The following SLC5A5 variants were observed in gnomAD, a reference collection of about 807,000 sequenced individuals.
The protein encoded by SLC5A5 is sodium/iodide cotransporter.
A neutral mutation model predicts 68.6 loss-of-function variants in SLC5A5; 56 were observed. The observed-to-expected ratio is 0.82, with a 90% CI of 0.66 to 1.02. The LOEUF is 1.02. Among genes scored for constraint, SLC5A5 ranks in the 50% least tolerant of loss-of-function variants. SLC5A5 has a pLI of 0.00. For missense variants in SLC5A5, 807 were observed against 859.8 expected (o/e 0.94, Z 0.77); for synonymous variants, 398 against 373.0 (o/e 1.07, Z -0.77).
chr19:17,875,585 A>G (rs559709809), intron 4 of SLC5A5, among the ~76,000 whole-genome samples: 1 of 20,330 alleles, frequency 4.9e-5, no homozygotes, highest in Non-Finnish European at 1.5e-4. Context: ...CAACATAGTG[A>G]GACCCCCCCC....
At position 17,883,897 on chromosome 19, in the gene SLC5A5, G is replaced by A. The variant is rs2094327257; in HGVS notation, c.1377G>A (p.Val459=). Residue 459 remains valine (V), a synonymous_variant, in exon 12 of 15, where the codon GTG becomes GTA. Coordinates refer to ENST00000222248, the MANE Select transcript of SLC5A5 (RefSeq NM_000453.3). Reference sequence around the variant, plus strand: ...CGGGCTTGGCGCTGTCGCTGTGGGTGGCCTTGGGCGCCACGCTGTACCCAC... The same window carrying A: ...CGGGCTTGGCGCTGTCGCTGTGGGTAGCCTTGGGCGCCACGCTGTACCCAC... ...LGAGLALSLW[V]ALGATLYPPS... 6.4e-7 allele frequency: 1 copy of A among 1,572,592 alleles called. No individual in the cohort carries two copies. Among genetic ancestry groups the A allele is most frequent in the Non-Finnish European group, 8.6e-7 (1 of 1,160,562 alleles).
intron 2 of SLC5A5, 57 bp from the exon 3 acceptor site, chr19:17,874,437 C>T: frequency 6.5e-7 from 1 of 1,543,050 alleles, no homozygotes. Flanking sequence ...CTCCTCTCCC[C>T]ATCCCCAACT....
chr19:17,882,791 C>A (rs1568423015), intron 10 of SLC5A5, among the ~76,000 whole-genome samples: 3 of 152,146 alleles, frequency 2.0e-5, no homozygotes, highest in Admixed American at 1.3e-4. Context: ...TCACGCCATT[C>A]TCCTGCCTCA....
chr19:17,877,886 T>A, intron 6 of SLC5A5, 23 bp downstream of exon 6: 2 of 1,613,876 alleles, frequency 1.2e-6, no homozygotes, highest in Non-Finnish European at 1.7e-6. Flanking sequence ...GGGAGCAAGG[T>A]CGGGGTTTCT....
chr19:17,872,987 C>T (rs901928400), intron 1 of SLC5A5, among the ~76,000 whole-genome samples: 1 of 152,168 alleles, frequency 6.6e-6, no homozygotes, highest in Non-Finnish European at 1.5e-5. Flanking sequence ...CCCACCTGCC[C>T]GGGCGTGCAG....
intron 14 of SLC5A5, among the ~76,000 whole-genome samples, chr19:17,892,214 A>G (rs1281092953): frequency 2.0e-5 from 3 of 150,668 alleles, no homozygotes; most frequent in Non-Finnish European, 4.4e-5. Flanking sequence ...GAATTGAACA[A>G]TTGAACCCGG....
chr19:17,886,192 C>T (rs2029912233), intron 12 of SLC5A5, among the ~76,000 whole-genome samples: 1 of 150,050 alleles, frequency 6.7e-6, no homozygotes, highest in Non-Finnish European at 1.5e-5. Context: ...TGAGACTCCA[C>T]CAAAAACAAA....
intron 2 of SLC5A5, 82 bp downstream of exon 2, chr19:17,874,285 C>A: frequency 1.1e-6 from 1 of 898,890 alleles, no homozygotes; most frequent in Non-Finnish European, 1.8e-6. Flanking sequence ...ATTCAAGACC[C>A]CGCCCAGACC....
At position 17,877,617 on chromosome 19, in the gene SLC5A5, C is replaced by T. The variant is rs1298168176; in HGVS notation, c.699-106C>T. On this transcript the variant is annotated intron_variant, in intron 5 of 14. Transcript: ENST00000222248. ...GCCACTGCGCCTGGCCAACAAAACC[C>T]ACTCCAAATGTCCCCTATAAGGTCC... 8 of 1,442,244 alleles carry T rather than the reference C, an allele frequency of 5.5e-6. No homozygotes were observed. In the East Asian group the frequency reaches 1.7e-4, roughly 31 times the overall value. The allele number at this position is 1,442,244 out of a possible 1,614,324, so 89.3% of individuals were successfully genotyped here.
rs77947605 is a variant in SLC5A5, at chr19:17,883,835, C to A, written c.1330-15C>A. 1 of 1,603,252 alleles carries A rather than the reference C, an allele frequency of 6.2e-7. No homozygotes were observed. Among genetic ancestry groups the A allele is most frequent in the African/African-American group, 1.3e-5 (1 of 74,664 alleles). On this transcript the variant is annotated splice_polypyrimidine_tract_variant and intron_variant, in intron 11 of 14. Coordinates refer to ENST00000222248, the MANE Select transcript of SLC5A5 (RefSeq NM_000453.3). ...ACAGGCCCCTCCCCTTCCCTGACGC[C>A]GGCTCTGCCCCCAGGGCGTCCTCGC...
intron 14 of SLC5A5, among the ~76,000 whole-genome samples, chr19:17,891,306 A>G (rs531102849): frequency 3.5e-4 from 53 of 152,172 alleles, no homozygotes; most frequent in African/African-American, 1.2e-3. Flanking sequence ...CCCGAGTTCA[A>G]GCGATTCTCC....
rs370808239 is a variant in SLC5A5, at chr19:17,893,768, A to G, written c.1823A>G (p.Asn608Ser). The change falls in exon 15 of 15, where the codon AAT becomes AGT. Residue 608 changes from asparagine (N) to serine (S), a missense_variant. By Grantham distance (46) the Asn-to-Ser change is conservative (BLOSUM62 1). Coordinates refer to ENST00000222248, the MANE Select transcript of SLC5A5 (RefSeq NM_000453.3). The part of the protein sequence containing the change: ...NKKPPGFLPT[N>S]EDRLFFLGQK... Reference sequence around the variant, plus strand: ...AAGCCCCCTGGCTTCCTGCCCACCAATGAGGATCGTCTGTTTTTCTTGGGG... The same window carrying G: ...AAGCCCCCTGGCTTCCTGCCCACCAGTGAGGATCGTCTGTTTTTCTTGGGG... 282 of 1,613,732 alleles carry G rather than the reference A, an allele frequency of 1.7e-4. No individual in the cohort carries two copies. Among genetic ancestry groups the G allele is most frequent in the Non-Finnish European group, 1.6e-4 (186 of 1,179,928 alleles).
chr19:17,876,064 T>G lies in SLC5A5; in HGVS notation c.656T>G (p.Val219Gly), dbSNP rs754756195. 7 of 1,614,166 alleles carry G rather than the reference T, an allele frequency of 4.3e-6. No individual in the cohort carries two copies. Among genetic ancestry groups the G allele is most frequent in the Non-Finnish European group, 5.9e-6 (7 of 1,180,028 alleles). The change falls in exon 5 of 15, where the codon GTG (valine) becomes GGG (glycine). Residue 219 changes from valine to glycine, a missense_variant. Physicochemically the swap from Val to Gly is moderately radical, Grantham distance 109. Transcript: ENST00000222248. The part of the protein sequence containing the change: ...GVMLVGGPRQ[V>G]LTLAQNHSRI... The stretch of plus-strand genomic sequence containing the variant: ...ATGCTTGTGGGCGGGCCCCGCCAGG[T>G]GCTCACGCTGGCCCAGAACCACTCC...
intron 4 of SLC5A5, among the ~76,000 whole-genome samples, chr19:17,875,380 A>T (rs940019029): frequency 2.0e-5 from 3 of 151,278 alleles, no homozygotes; most frequent in Non-Finnish European, 4.4e-5. Context: ...AAAAAAATAT[A>T]ATAATAATAA....
intron 8 of SLC5A5, among the ~76,000 whole-genome samples, chr19:17,881,177 C>T (rs1240011988): frequency 3.3e-5 from 5 of 152,260 alleles, no homozygotes; most frequent in Admixed American, 1.3e-4. Context: ...GTCAGGGCCA[C>T]GCCTGACTCT....
chr19:17,889,621 C>T (rs558771925), intron 13 of SLC5A5, among the ~76,000 whole-genome samples: 159 of 152,164 alleles, frequency 1.0e-3, no homozygotes, highest in African/African-American at 3.7e-3. Flanking sequence ...TACAGGTGCG[C>T]GCCAACGTGC....
intron 2 of SLC5A5, 42 bp downstream of exon 2, chr19:17,874,245 G>A: frequency 7.0e-7 from 1 of 1,436,456 alleles, no homozygotes; most frequent in Non-Finnish European, 9.8e-7. Flanking sequence ...GGCCCCGAGA[G>A]CGTCAGCCTT....
chr19:17,875,102 G>C lies in SLC5A5; in HGVS notation c.543+371G>C, dbSNP rs138630633. On this transcript the variant is annotated intron_variant, in intron 4 of 14. Transcript: ENST00000222248. ...ATAGTAATGGCGGCCGGGCGCGGTG[G>C]CTCACGTCTGTAATCCCAGCACTTT... 5.8e-3 allele frequency among the ~76,000 whole-genome samples: 887 copies of C among 152,238 alleles called. 5 individuals are homozygous for C. The highest frequency in any genetic ancestry group is 0.02 in the African/African-American group (825 of 41,532).
intron 12 of SLC5A5, among the ~76,000 whole-genome samples, chr19:17,885,607 T>C (rs1369971857): frequency 1.3e-5 from 2 of 151,786 alleles, no homozygotes; most frequent in African/African-American, 2.4e-5. Context: ...TCTCAAAGTA[T>C]TGGGCTCAAG....
Sources: gnomAD v4.1 joint callset for allele counts (sites outside exome capture counted in the v4.1 genomes callset) on GRCh38, gnomAD v4.1.1 for gene constraint, MANE v1.5 for transcripts, NCBI Gene and HGNC (gene_info 2026-07-23, HGNC 2026-07-21) for gene names.